MTF1: variants seen among roughly 807,000 people sequenced by gnomAD.
MTF1 encodes metal regulatory transcription factor 1.
In MTF1, 22 loss-of-function variants were observed where a neutral mutation model predicts 70.4. The observed-to-expected ratio is 0.31, with a 90% confidence interval of 0.22 to 0.45. MTF1 has a LOEUF of 0.45. MTF1 is among the 20% of genes least tolerant of loss of function. The pLI, the probability that MTF1 is intolerant of heterozygous loss-of-function variation, is 1.00. For synonymous variants in MTF1, 333 were observed against 352.8 expected, an observed-to-expected ratio of 0.94 and a Z score of 0.63; for missense variants, 649 against 922.0, an observed-to-expected ratio of 0.70 and a Z score of 3.83.
intron 2 of MTF1, among the ~76,000 whole-genome samples, chr1:37,853,151 C>A: frequency 6.6e-6 from 1 of 152,226 alleles, no homozygotes; most frequent in East Asian, 1.9e-4. Flanking sequence ...GCTACCTCTG[C>A]TGCCAGACCA....
Position 37,835,101 on chromosome 1 carries a change from A to G in MTF1, c.968T>C (p.Leu323Pro). The G allele has an allele frequency of 6.2e-7, 1 of 1,614,190 alleles. No individual in the cohort carries two copies. Among genetic ancestry groups the G allele is most frequent in the East Asian group, 2.2e-5 (1 of 44,884 alleles). The change falls in exon 6 of 11, where the codon CTT becomes CCT. Residue 323 changes from leucine to proline, a missense_variant. Leu to Pro is a moderately conservative substitution (Grantham distance 98). Coordinates refer to ENST00000373036, the MANE Select transcript of MTF1 (RefSeq NM_005955.3). ...HDNKGHSYNA[L>P]PQHNGSEDTN... Reference sequence around the variant, plus strand: ...CACCTCTGATCCATTGTGTTGTGGAAGTGCATTGTATGAGTGTCCTTTGTT... The same window carrying G: ...CACCTCTGATCCATTGTGTTGTGGAGGTGCATTGTATGAGTGTCCTTTGTT...
chr1:37,855,767 G>C (rs1206273436), intron 2 of MTF1, among the ~76,000 whole-genome samples: 4 of 152,090 alleles, frequency 2.6e-5, no homozygotes, highest in African/African-American at 7.2e-5. Context: ...GACCAGCCTG[G>C]CTAACATGGT....
chr1:37,822,678 C>T lies in MTF1; in HGVS notation c.1210G>A (p.Val404Ile), dbSNP rs1213288228. 1 of 1,613,344 alleles carries T rather than the reference C, an allele frequency of 6.2e-7. No individual in the cohort carries two copies. The highest frequency in any genetic ancestry group is 2.2e-5 in the East Asian group (1 of 44,890). The part of the protein sequence containing the change: ...TESFNGDAES[V>I]SDVPPSTGNS... ...CCTGTGGATGGCGGAACATCACTGACTGACTCTGCATCACCATTAAAACTT... is the reference window on the plus strand; with the variant it reads ...CCTGTGGATGGCGGAACATCACTGATTGACTCTGCATCACCATTAAAACTT... The change falls in exon 9 of 11, where the codon GTC (valine) becomes ATC (isoleucine). Residue 404 changes from valine (V) to isoleucine (I), a missense_variant. This residue lies in a region of MTF1 where 267 missense variants were observed against 292.1 expected (regional missense o/e 0.91). Coordinates refer to ENST00000373036, the MANE Select transcript of MTF1 (RefSeq NM_005955.3).
chr1:37,835,584 ATC>A, intron 5 of MTF1, 85 bp downstream of exon 5: 1 of 974,394 alleles, frequency 1.0e-6, no homozygotes, highest in South Asian at 1.3e-5. Context: ...CAGGATCTAT[ATC>A]TCTGTATATC....
chr1:37,815,063 C>A lies in MTF1; in HGVS notation c.*73G>T. 1.6e-6 allele frequency: 2 copies of A among 1,256,686 alleles called. No individual in the cohort carries two copies. Among genetic ancestry groups the A allele is most frequent in the Admixed American group, 2.2e-5 (1 of 44,978 alleles). The allele number at this position is 1,256,686 out of a possible 1,614,324, so 77.8% of individuals were successfully genotyped here. ...TTTCTTCATCCTTCAAATTTCTGAC[C>A]CATGATGGCAGGCATTGTACCTCAT... On this transcript the variant is annotated 3_prime_UTR_variant, in exon 11 of 11. Coordinates refer to ENST00000373036, the MANE Select transcript of MTF1 (RefSeq NM_005955.3). This position sits in a 1 kb window ranked among gnomAD's most constrained non-coding sequence, Gnocchi z 4.5.
In MTF1 at chr1:37,832,312, T is replaced by A; in HGVS notation, c.1001A>T (p.His334Leu). 3 of 1,611,232 alleles carry A rather than the reference T, an allele frequency of 1.9e-6. No homozygotes were observed. Among genetic ancestry groups the A allele is most frequent in the Non-Finnish European group, 2.5e-6 (3 of 1,177,950 alleles). Residue 334 changes from histidine to leucine, a missense_variant, in exon 7 of 11, where the codon CAC (histidine) becomes CTC (leucine). His to Leu is a moderately conservative substitution (Grantham distance 99). Coordinates refer to ENST00000373036, the MANE Select transcript of MTF1 (RefSeq NM_005955.3). ...GCTCAAGTCACTTAGACAAAGTGAG[T>A]GATTTGTATCCTGTGAAAGAGAAAA... ...PQHNGSEDTN[H>L]SLCLSDLSLL...
intron 2 of MTF1, among the ~76,000 whole-genome samples, chr1:37,845,251 T>C (rs1641316058): frequency 6.6e-6 from 1 of 152,206 alleles, no homozygotes. Context: ...TCAAGGAGAA[T>C]GGTCAAGTAG....
intron 2 of MTF1, among the ~76,000 whole-genome samples, chr1:37,850,501 AAAG>A (rs1444277357): frequency 6.6e-6 from 1 of 151,310 alleles, no homozygotes; most frequent in African/African-American, 2.4e-5. Context: ...CAGAAAGGGA[AAAG>A]AAGGAAGGAA....
At position 37,822,392 on chromosome 1, in the gene MTF1, A is replaced by C. The variant is rs1640923769; in HGVS notation, c.1496T>G (p.Leu499Arg). 1.2e-6 allele frequency: 2 copies of C among 1,614,060 alleles called. No homozygotes were observed. Among genetic ancestry groups the C allele is most frequent in the Non-Finnish European group, 1.7e-6 (2 of 1,179,928 alleles). The stretch of plus-strand genomic sequence containing the variant: ...TGCAGAAGCCCCAGCAACAACAGAA[A>C]GTCCTGGTACAATGGGCTGCGGTGC... ...PQAPQPIVPG[L>R]SVVAGASASA... The change falls in exon 9 of 11, where the codon CTT (leucine) becomes CGT (arginine). Residue 499 changes from leucine to arginine, a missense_variant. Leu to Arg is a moderately radical substitution (Grantham distance 102). Transcript: ENST00000373036.
At chr1:37,833,246 A>G (rs1641115884) in intron 6 of MTF1, among the ~76,000 whole-genome samples, 1 of 152,194 alleles carries the variant, frequency 6.6e-6, no homozygotes, top group South Asian at 2.1e-4. Flanking sequence ...CCCATTTTAA[A>G]TATCAGAAAA....
intron 2 of MTF1, among the ~76,000 whole-genome samples, chr1:37,853,606 G>A (rs1641449317): frequency 6.6e-6 from 1 of 152,150 alleles, no homozygotes. Flanking sequence ...CCTGAAAATG[G>A]CCTGTTTCCC....
At chr1:37,842,061 C>A (rs370049945) in intron 2 of MTF1, among the ~76,000 whole-genome samples, 1 of 151,742 alleles carries the variant, frequency 6.6e-6, no homozygotes, top group South Asian at 2.1e-4. Context: ...GGAAAAAAAA[C>A]TAGATAAACA....
intron 9 of MTF1, among the ~76,000 whole-genome samples, chr1:37,817,772 T>C (rs532031468): frequency 1.3e-5 from 2 of 152,338 alleles, no homozygotes; most frequent in East Asian, 3.9e-4. Flanking sequence ...CAAGGTTGCT[T>C]TTCTCAAGCA....
intron 8 of MTF1, 50 bp from the exon 9 acceptor site, chr1:37,822,766 T>A (rs1363151377): frequency 1.5e-6 from 2 of 1,359,024 alleles, no homozygotes; most frequent in East Asian, 2.3e-5. Context: ...AAGCCTTAGA[T>A]GAGCCACAAA....
At chr1:37,832,212 T>G in intron 7 of MTF1, 33 bp downstream of exon 7, 1 of 1,463,352 alleles carries the variant, frequency 6.8e-7, no homozygotes, top group Non-Finnish European at 9.5e-7. Context: ...CTTGCCCTTA[T>G]TTTTCTAGCA....
At position 37,830,775 on chromosome 1, in the gene MTF1, T is replaced by C. The variant is rs1269587886; in HGVS notation, c.1068+1470A>G. Among the ~76,000 whole-genome samples, 3 of 152,364 alleles carry C rather than the reference T, an allele frequency of 2.0e-5. No homozygotes were observed. The East Asian group carries it at 5.8e-4, about 29-fold the overall frequency. On this transcript the variant is annotated intron_variant, in intron 7 of 10. Coordinates refer to ENST00000373036, the MANE Select transcript of MTF1 (RefSeq NM_005955.3). ...ATCTCCCTTGCAGTGGATGCAGCTATGATCTTTGTGTAGATCTTTAGCCTT... is the reference window on the plus strand; with the variant it reads ...ATCTCCCTTGCAGTGGATGCAGCTACGATCTTTGTGTAGATCTTTAGCCTT...
In MTF1 at chr1:37,812,776, C is replaced by T. The variant is rs1331834951; in HGVS notation, c.*2360G>A. 4 of 152,250 alleles carry T rather than the reference C, an allele frequency of 2.6e-5. No individual in the cohort carries two copies. Among genetic ancestry groups the T allele is most frequent in the Non-Finnish European group, 5.9e-5 (4 of 68,066 alleles). The allele number at this position is 152,250 out of a possible 1,614,324, so 9.4% of individuals were successfully genotyped here. On this transcript the variant is annotated 3_prime_UTR_variant, in exon 11 of 11. Coordinates refer to ENST00000373036, the MANE Select transcript of MTF1 (RefSeq NM_005955.3). ...ATACAAGCTTACTTTGGGGTCCCATCACTACTCTCTCAGAAGTTGTAAACA... is the reference window on the plus strand; with the variant it reads ...ATACAAGCTTACTTTGGGGTCCCATTACTACTCTCTCAGAAGTTGTAAACA...
chr1:37,858,734 GC>G (rs1641542377), intron 1 of MTF1, among the ~76,000 whole-genome samples: 1 of 152,154 alleles, frequency 6.6e-6, no homozygotes, highest in African/African-American at 2.4e-5. Context: ...GAAAGACATG[GC>G]TACCTACTCT....
chr1:37,839,862 C>T (rs1392218359), intron 3 of MTF1, 58 bp downstream of exon 3: 8 of 1,372,828 alleles, frequency 5.8e-6, no homozygotes, highest in Admixed American at 3.4e-5. Context: ...GGAAAGAGCT[C>T]TGCCATCACA....
Sources: allele counts gnomAD v4.1 joint callset (sites outside exome capture counted in the v4.1 genomes callset), GRCh38; gene constraint gnomAD v4.1.1; regional missense constraint gnomAD v4.1.1; non-coding constraint Gnocchi (gnomAD v3.1); transcripts MANE v1.5; gene names NCBI Gene and HGNC (gene_info 2026-07-23, HGNC 2026-07-21).